FRAS1: variants seen among roughly 807,000 people sequenced by gnomAD.
FRAS1 encodes the protein extracellular matrix organizing protein FRAS1.
FRAS1 carries 290 observed loss-of-function variants against 435.2 expected under a neutral mutation model. The ratio of observed to expected loss-of-function variants is 0.67; its 90% CI spans 0.61 to 0.73. FRAS1 has a LOEUF of 0.73. Among genes scored for constraint, FRAS1 ranks in the 30% least tolerant of loss-of-function variants. The pLI is 0.00. For synonymous variants in FRAS1, 1,800 were observed against 1,851.0 expected, an observed-to-expected ratio of 0.97 and a Z score of 0.71; for missense variants, 4,860 against 5,001.5, an observed-to-expected ratio of 0.97 and a Z score of 0.85.
At chr4:78,296,198 T>C (rs977122954) in intron 14 of FRAS1, among the ~76,000 whole-genome samples, 3 of 151,576 alleles carry the variant, frequency 2.0e-5, no homozygotes, top group African/African-American at 7.3e-5. Flanking sequence ...GCTGCTCTCC[T>C]GTTTGGTTTG....
chr4:78,521,103 G>A (rs948616361), intron 67 of FRAS1, among the ~76,000 whole-genome samples: 3 of 152,122 alleles, frequency 2.0e-5, no homozygotes, highest in Non-Finnish European at 4.4e-5. Context: ...AGTACTAAAT[G>A]TAGCCACCAG....
In FRAS1 at chr4:78,438,657, G is replaced by C. The variant is rs777807211; in HGVS notation, c.5305G>C (p.Val1769Leu). 19 of 1,612,782 alleles carry C rather than the reference G, an allele frequency of 1.2e-5. No individual in the cohort carries two copies. In the South Asian group the frequency reaches 2.0e-4, roughly 17 times the overall value. The stretch of plus-strand genomic sequence containing the variant: ...TCTCTTAAGAATCTCAGGATCTGAG[G>C]TGGAAGAGCTCTCAGAAGTTTCCAA... Reference protein sequence around the residue: ...GTLLRISGSEVEELSEVSNFT... With the variant: ...GTLLRISGSELEELSEVSNFT... Residue 1769 changes from valine (V) to leucine (L), a missense_variant, in exon 39 of 74, where the codon GTG becomes CTG. By Grantham distance (32) the Val-to-Leu change is conservative. Transcript: ENST00000512123.
intron 2 of FRAS1, among the ~76,000 whole-genome samples, chr4:78,202,373 T>G (rs1723081175): frequency 6.6e-6 from 1 of 152,156 alleles, no homozygotes; most frequent in African/African-American, 2.4e-5. Context: ...GACAGGGAGC[T>G]TCTTAAAATT....
chr4:78,373,324 C>G (rs1030804273), intron 24 of FRAS1, among the ~76,000 whole-genome samples: 2 of 151,698 alleles, frequency 1.3e-5, no homozygotes, highest in Non-Finnish European at 2.9e-5. Context: ...ATTCTCAGAC[C>G]CTGAAATTCC....
chr4:78,166,655 C>G (rs969320373), intron 2 of FRAS1, among the ~76,000 whole-genome samples: 5 of 152,016 alleles, frequency 3.3e-5, no homozygotes, highest in African/African-American at 7.2e-5. Flanking sequence ...GGCAGTGGTT[C>G]CTTTGAATAT....
intron 2 of FRAS1, among the ~76,000 whole-genome samples, chr4:78,182,909 G>A (rs953575584): frequency 7.6e-5 from 10 of 131,378 alleles, no homozygotes; most frequent in African/African-American, 2.5e-4. Flanking sequence ...AAAAAAAAAT[G>A]CCCAGAGGAC....
At chr4:78,196,768 T>G (rs910683744) in intron 2 of FRAS1, among the ~76,000 whole-genome samples, 3 of 152,204 alleles carry the variant, frequency 2.0e-5, no homozygotes, top group Non-Finnish European at 4.4e-5. Context: ...TGTGAAGTAT[T>G]TGGAATAATG....
intron 2 of FRAS1, among the ~76,000 whole-genome samples, chr4:78,151,795 A>G (rs1720677137): frequency 1.3e-5 from 2 of 152,142 alleles, no homozygotes; most frequent in South Asian, 4.1e-4. Context: ...TCGGAAGAGT[A>G]GCTGATGAGG....
rs1719463959 is a variant in FRAS1 at position 78,464,465 on chromosome 4, C to T, written c.6911C>T (p.Thr2304Ile). ...TAGGTGACTCAGACTTTCCATATCA[C>T]TCTTCACCCTGTCGATGATTCGCTG... ...VSEVTQTFHI[T>I]LHPVDDSLPV... The change falls in exon 49 of 74, where the codon ACT becomes ATT. Residue 2304 changes from threonine to isoleucine, a missense_variant. By Grantham distance (89) the Thr-to-Ile change is moderately conservative. Coordinates refer to ENST00000512123, the MANE Select transcript of FRAS1 (RefSeq NM_025074.7). The T allele has an allele frequency of 6.2e-7, 1 of 1,614,020 alleles. No homozygotes were observed. The highest frequency in any genetic ancestry group is 8.5e-7 in the Non-Finnish European group (1 of 1,179,870).
chr4:78,124,391 A>G (rs181069832), intron 2 of FRAS1, among the ~76,000 whole-genome samples: 207 of 152,184 alleles, frequency 1.4e-3, no homozygotes, highest in Admixed American at 5.2e-3. Flanking sequence ...TTTATTGACA[A>G]TTTTTGCATC....
intron 2 of FRAS1, among the ~76,000 whole-genome samples, chr4:78,191,256 C>T (rs183537977): frequency 1.3e-5 from 2 of 152,314 alleles, no homozygotes; most frequent in Admixed American, 6.5e-5. Context: ...TAGGTCTTAG[C>T]ACATGTCTGG....
intron 2 of FRAS1, among the ~76,000 whole-genome samples, chr4:78,198,258 C>T (rs575571398): frequency 2.6e-5 from 4 of 152,236 alleles, no homozygotes; most frequent in Non-Finnish European, 4.4e-5. Flanking sequence ...GTCAGTAACT[C>T]CAGCCTCTAG....
chr4:78,288,424 T>TG (rs1280321111), intron 14 of FRAS1, among the ~76,000 whole-genome samples: 1 of 152,172 alleles, frequency 6.6e-6, no homozygotes, highest in Non-Finnish European at 1.5e-5. Flanking sequence ...ATGACTTTTC[T>TG]GGGGGGAGGG....
intron 2 of FRAS1, among the ~76,000 whole-genome samples, chr4:78,125,693 G>T (rs566451048): frequency 6.6e-6 from 1 of 152,256 alleles, no homozygotes; most frequent in East Asian, 1.9e-4. Context: ...GTTTTCCTGG[G>T]TATCACCAGT....
chr4:78,417,728 A>T (rs1388444535), intron 32 of FRAS1, among the ~76,000 whole-genome samples: 1 of 152,148 alleles, frequency 6.6e-6, no homozygotes, highest in Admixed American at 6.5e-5. Flanking sequence ...CAATCTTTTC[A>T]TGGTTAAAGG....
At chr4:78,092,543 G>A (rs958501709) in intron 2 of FRAS1, among the ~76,000 whole-genome samples, 1 of 152,140 alleles carries the variant, frequency 6.6e-6, no homozygotes, top group South Asian at 2.1e-4. Flanking sequence ...AACAGCATGG[G>A]AAAGACCCAC....
At chr4:78,217,001 A>T (rs1723796386) in intron 2 of FRAS1, among the ~76,000 whole-genome samples, 1 of 152,148 alleles carries the variant, frequency 6.6e-6, no homozygotes, top group Non-Finnish European at 1.5e-5. Context: ...AGTCAGTGAG[A>T]TTACACTGAT....
At chr4:78,177,973 T>C (rs986762255) in intron 2 of FRAS1, among the ~76,000 whole-genome samples, 2 of 152,156 alleles carry the variant, frequency 1.3e-5, no homozygotes, top group Non-Finnish European at 2.9e-5. Flanking sequence ...TAGAAAGTTA[T>C]TCTCTCAAAG....
chr4:78,085,637 T>A (rs1047865467), intron 2 of FRAS1, among the ~76,000 whole-genome samples: 3 of 152,144 alleles, frequency 2.0e-5, no homozygotes, highest in Non-Finnish European at 4.4e-5. Flanking sequence ...GAATTGTTGA[T>A]CCAGTGGCTT....
Sources: allele counts gnomAD v4.1 joint callset (sites outside exome capture counted in the v4.1 genomes callset), GRCh38; gene constraint gnomAD v4.1.1; transcripts MANE v1.5; gene names NCBI Gene and HGNC (gene_info 2026-07-23, HGNC 2026-07-21).